The following SCNN1B variants were observed in gnomAD, a reference collection of about 807,000 sequenced individuals.
The protein encoded by SCNN1B is epithelial sodium channel subunit beta.
In SCNN1B, 46 loss-of-function variants were observed where a neutral mutation model predicts 65.3. The observed-to-expected ratio is 0.70, with a 90% CI of 0.56 to 0.90. The LOEUF (loss-of-function observed/expected upper bound fraction) is 0.90, where lower values mean the gene tolerates loss of function less well. SCNN1B is among the 40% of genes least tolerant of loss of function. The pLI, the probability that SCNN1B is intolerant of heterozygous loss-of-function variation, is 0.00. For missense variants in SCNN1B, 751 were observed against 830.5 expected (o/e 0.90, Z 1.18); for synonymous variants, 349 against 330.6 (o/e 1.06, Z -0.60).
In SCNN1B at chr16:23,293,885, C is replaced by T. The variant is rs181768929; in HGVS notation, n.178+10081C>T. ...GCTGCAGTGAGCCATGATCTTGCCA[C>T]TGTACTCTAGCTTGGGCAACAGAGT... On this transcript the variant is annotated intron_variant and non_coding_transcript_variant, in intron 2 of 3. Transcript: ENST00000569789. Among the ~76,000 whole-genome samples, 73 of 152,210 alleles carry T rather than the reference C, an allele frequency of 4.8e-4. No individual in the cohort carries two copies. The South Asian group carries it at 7.0e-3, about 15-fold the overall frequency.
At chr16:23,300,769 C>T (rs1159922519), upstream of SCNN1B, among the ~76,000 whole-genome samples, 1 of 152,138 alleles carries the variant, frequency 6.6e-6, no homozygotes, top group East Asian at 1.9e-4. Context: ...GAGTTTGAGG[C>T]TGCAGGGGTC....
intron 1 of SCNN1B, among the ~76,000 whole-genome samples, chr16:23,312,470 C>T (rs1312369255): frequency 6.6e-6 from 1 of 152,028 alleles, no homozygotes; most frequent in Non-Finnish European, 1.5e-5. Context: ...GAGGCATTAG[C>T]AAGCCAAGTG....
At chr16:23,358,740 C>T (rs979600465) in intron 4 of SCNN1B, among the ~76,000 whole-genome samples, 1 of 152,180 alleles carries the variant, frequency 6.6e-6, no homozygotes, top group Non-Finnish European at 1.5e-5. Context: ...AACCCCATCT[C>T]TACTAAATAT....
At chr16:23,322,838 T>C (rs1479914805) in intron 1 of SCNN1B, among the ~76,000 whole-genome samples, 1 of 152,090 alleles carries the variant, frequency 6.6e-6, no homozygotes, top group African/African-American at 2.4e-5. Flanking sequence ...CATTTTTACG[T>C]GTGCAGTTCA....
chr16:23,315,324 C>G (rs184930178), intron 1 of SCNN1B, among the ~76,000 whole-genome samples: 1 of 151,634 alleles, frequency 6.6e-6, no homozygotes, highest in Non-Finnish European at 1.5e-5. Flanking sequence ...GCAACAAGAG[C>G]GAAAGTCTGT....
chr16:23,350,531 C>T (rs1391999080), intron 2 of SCNN1B, among the ~76,000 whole-genome samples: 1 of 152,160 alleles, frequency 6.6e-6, no homozygotes. Flanking sequence ...TGCCCCCAGT[C>T]TTGGATACAG....
At chr16:23,314,442 C>T (rs1961409020) in intron 1 of SCNN1B, among the ~76,000 whole-genome samples, 1 of 152,164 alleles carries the variant, frequency 6.6e-6, no homozygotes, top group Admixed American at 6.6e-5. Context: ...GTCTGCATTT[C>T]ACAGAAAAGA....
intron 1 of SCNN1B, among the ~76,000 whole-genome samples, chr16:23,325,884 C>T (rs1961684993): frequency 7.9e-6 from 1 of 127,382 alleles, no homozygotes; most frequent in Admixed American, 7.7e-5. Context: ...GAGACCCTGT[C>T]TCTAATAAAT....
upstream of SCNN1B, among the ~76,000 whole-genome samples, chr16:23,297,505 G>T (rs1173408387): frequency 1.3e-5 from 2 of 152,102 alleles, no homozygotes; most frequent in East Asian, 1.9e-4. Context: ...TATGTTTTTG[G>T]TTGGGTCAAA....
At chr16:23,365,350 G>T (rs933754358) in intron 4 of SCNN1B, among the ~76,000 whole-genome samples, 3 of 142,270 alleles carry the variant, frequency 2.1e-5, no homozygotes, top group Non-Finnish European at 4.5e-5. Flanking sequence ...GGGAGGAAAA[G>T]AAAAGAGAGA....
intron 2 of SCNN1B, among the ~76,000 whole-genome samples, chr16:23,349,215 G>C (rs1298359414): frequency 6.6e-6 from 1 of 152,050 alleles, no homozygotes; most frequent in African/African-American, 2.4e-5. Context: ...CAGGTGCAGT[G>C]GCCTGTAATA....
intron 1 of SCNN1B, among the ~76,000 whole-genome samples, chr16:23,318,990 AG>A (rs1220074370): frequency 6.6e-6 from 1 of 151,876 alleles, no homozygotes; most frequent in Non-Finnish European, 1.5e-5. Context: ...AACACCAGGA[AG>A]GAGGAGGAGT....
At chr16:23,360,201 A>AAAATAAATAAATAAATAAATAAAT (rs781261312) in intron 4 of SCNN1B, among the ~76,000 whole-genome samples, 27 of 132,852 alleles carry the variant, frequency 2.0e-4, no homozygotes, top group South Asian at 1.4e-3. Flanking sequence ...CCATCTCAAA[A>AAAATAAATAAATAAATAAATAAAT]AAATAAATAA....
intron 1 of SCNN1B, among the ~76,000 whole-genome samples, chr16:23,305,573 T>TATATAA (rs1961194915): frequency 2.3e-5 from 1 of 42,634 alleles, no homozygotes; most frequent in African/African-American, 6.0e-5. Flanking sequence ...TATATATATA[T>TATATAA]ATATTATATA....
chr16:23,282,193 G>A (rs900615786), intron 1 of SCNN1B, among the ~76,000 whole-genome samples: 2 of 152,030 alleles, frequency 1.3e-5, no homozygotes, highest in African/African-American at 2.4e-5. Context: ...CACGTACCAC[G>A]ACTGCACTTG....
intron 7 of SCNN1B, among the ~76,000 whole-genome samples, chr16:23,374,268 GAAAAAA>G (rs1223701346): frequency 0.09 from 5,451 of 60,530 alleles, 221 homozygotes; most frequent in Middle Eastern, 0.27. Flanking sequence ...CCTGTCTCAG[GAAAAAA>G]AAAAAAAAAA....
At chr16:23,309,784 C>A (rs749780434) in intron 1 of SCNN1B, among the ~76,000 whole-genome samples, 1 of 152,202 alleles carries the variant, frequency 6.6e-6, no homozygotes, top group Non-Finnish European at 1.5e-5. Flanking sequence ...CAGACACACC[C>A]GGGATCGATA....
intron 1 of SCNN1B, among the ~76,000 whole-genome samples, chr16:23,336,344 A>G (rs1482747108): frequency 3.3e-5 from 5 of 151,204 alleles, no homozygotes; most frequent in Non-Finnish European, 7.4e-5. Context: ...TTAACAGGGC[A>G]TTTCCCAAAG....
chr16:23,316,026 C>CCCT (rs1961448003), intron 1 of SCNN1B, among the ~76,000 whole-genome samples: 1 of 69,532 alleles, frequency 1.4e-5, no homozygotes, highest in Non-Finnish European at 2.5e-5. Context: ...CCCATCATCA[C>CCCT]CATCACCATC....
Sources: allele counts gnomAD v4.1 joint callset (sites outside exome capture counted in the v4.1 genomes callset), GRCh38; gene constraint gnomAD v4.1.1; transcripts MANE v1.5; gene names NCBI Gene and HGNC (gene_info 2026-07-23, HGNC 2026-07-21).